The following PACRG variants were observed in gnomAD, a reference collection of about 807,000 sequenced individuals.
The protein encoded by PACRG is parkin coregulated gene protein.
PACRG carries 29 observed loss-of-function variants against 29.7 expected under a neutral mutation model. That is an observed-to-expected ratio of 0.98 (90% CI 0.73 to 1.33). The LOEUF is 1.33. PACRG is among the 40% of genes most tolerant of loss of function. The probability of loss-of-function intolerance (pLI) is 0.00; values close to 1 mark genes in which losing one functional copy is unlikely to be tolerated. For synonymous variants in PACRG, 116 were observed against 118.7 expected (o/e 0.98, Z 0.15); for missense variants, 279 against 316.2 (o/e 0.88, Z 0.89).
At position 163,072,913 on chromosome 6, in the gene PACRG, C is replaced by T. The variant is rs927342609; in HGVS notation, c.463+10592C>T. On this transcript the variant is annotated intron_variant, in intron 3 of 4. Transcript: ENST00000366888. ...ATTAACCAAAGAAGTGAAAGATCTCCACAATAAAAACTTAAAACATTGATG... is the reference window on the plus strand; with the variant it reads ...ATTAACCAAAGAAGTGAAAGATCTCTACAATAAAAACTTAAAACATTGATG... Among the ~76,000 whole-genome samples, 30 of 151,842 alleles carry T rather than the reference C, an allele frequency of 2.0e-4. 1 individual carries two copies. Among genetic ancestry groups the T allele is most frequent in the Non-Finnish European group, 1.5e-5 (1 of 67,892 alleles).
chr6:162,776,019 G>T (rs1029991075), intron 1 of PACRG, among the ~76,000 whole-genome samples: 1 of 152,092 alleles, frequency 6.6e-6, no homozygotes, highest in Non-Finnish European at 1.5e-5. Context: ...AAAATTAGGT[G>T]AGAAACTTAA....
In PACRG at chr6:163,294,060, A is replaced by T. The variant is rs1246882105; in HGVS notation, c.614-20767A>T. The stretch of plus-strand genomic sequence containing the variant: ...TATTTCTTTACCCCCCAAAAAAATT[A>T]ACATTTTTTTGGTTAGGAAACAGAA... On this transcript the variant is annotated intron_variant, in intron 4 of 4. Coordinates refer to ENST00000366888, the MANE Select transcript of PACRG (RefSeq NM_001080379.2). Among the ~76,000 whole-genome samples, 4 of 152,194 alleles carry T rather than the reference A, an allele frequency of 2.6e-5. No homozygotes were observed. In the East Asian group the frequency reaches 7.7e-4, roughly 29 times the overall value.
chr6:162,752,144 T>A (rs1362407333), intron 1 of PACRG, among the ~76,000 whole-genome samples: 1 of 152,190 alleles, frequency 6.6e-6, no homozygotes, highest in Non-Finnish European at 1.5e-5. Flanking sequence ...GAAGAATTTT[T>A]AACATCTGAT....
At chr6:162,974,255 A>G (rs920602385) in intron 2 of PACRG, among the ~76,000 whole-genome samples, 3 of 152,198 alleles carry the variant, frequency 2.0e-5, no homozygotes, top group Non-Finnish European at 2.9e-5. Flanking sequence ...TAGTGCAACA[A>G]TATAATTAAT....
chr6:163,133,398 GAA>G (rs386708113), intron 4 of PACRG, among the ~76,000 whole-genome samples: 1,849 of 152,270 alleles, frequency 0.012, 31 homozygotes, highest in African/African-American at 0.041. Context: ...GTTTATCATG[GAA>G]GAGAAGAATA....
chr6:163,059,362 G>T (rs529810680), intron 2 of PACRG, among the ~76,000 whole-genome samples: 33 of 152,280 alleles, frequency 2.2e-4, no homozygotes, highest in Middle Eastern at 3.4e-3. Context: ...TAAAAGAAAA[G>T]TGGGAAAAAC....
At chr6:162,809,640 A>G (rs1012379517) in intron 1 of PACRG, among the ~76,000 whole-genome samples, 1 of 152,166 alleles carries the variant, frequency 6.6e-6, no homozygotes, top group African/African-American at 2.4e-5. Flanking sequence ...TATAAGAGAC[A>G]AAAAGAAAAG....
chr6:163,139,462 GA>G (rs1817068514), intron 4 of PACRG, among the ~76,000 whole-genome samples: 1 of 152,110 alleles, frequency 6.6e-6, no homozygotes, highest in South Asian at 2.1e-4. Context: ...TGATTGCAGG[GA>G]AATTATTTAA....
intron 2 of PACRG, among the ~76,000 whole-genome samples, chr6:162,954,338 T>C (rs1272544843): frequency 2.0e-5 from 3 of 152,176 alleles, no homozygotes; most frequent in Admixed American, 2.0e-4. Context: ...CTGACCTTCA[T>C]GTTCAACATG....
chr6:163,050,924 G>C (rs1585094516), intron 2 of PACRG, among the ~76,000 whole-genome samples: 1 of 152,102 alleles, frequency 6.6e-6, no homozygotes, highest in Non-Finnish European at 1.5e-5. Context: ...AGTCATTGTT[G>C]CTTCAAATAT....
At chr6:163,244,932 C>T (rs1158344761) in intron 4 of PACRG, 2 of 355,586 alleles carry the variant, frequency 5.6e-6, no homozygotes, top group East Asian at 1.6e-4. Context: ...TTATGCTTCT[C>T]TTTTTAGTAA....
At position 163,142,663 on chromosome 6, in the gene PACRG, C is replaced by G. The variant is rs149256158; in HGVS notation, c.613+53255C>G. On this transcript the variant is annotated intron_variant, in intron 4 of 4. Transcript: ENST00000366888. ...ATATATGAACATAGTTGTAAAAATC[C>G]TAAGTAACATGTTGTCATATTTAAA... Among the ~76,000 whole-genome samples, 469 of 152,194 alleles carry G rather than the reference C, an allele frequency of 3.1e-3. 1 individual carries two copies. Among genetic ancestry groups the G allele is most frequent in the Non-Finnish European group, 4.8e-3 (328 of 68,004 alleles).
intron 2 of PACRG, among the ~76,000 whole-genome samples, chr6:162,950,346 A>G (rs1482147370): frequency 2.0e-5 from 3 of 152,054 alleles, no homozygotes; most frequent in African/African-American, 7.2e-5. Flanking sequence ...AAATACAAAA[A>G]AGAAAAAAAA....
rs146306301 is a variant in PACRG at position 162,858,240 on chromosome 6, G to A, written c.291+43959G>A. On this transcript the variant is annotated intron_variant, in intron 2 of 4. Transcript: ENST00000366888. ...AGGCCTCAGGAAACTTAACAATCAC[G>A]GTGGAAGGCAAAGGGGAAGCAAGGC... 3.3e-3 allele frequency among the ~76,000 whole-genome samples: 503 copies of A among 152,280 alleles called. 5 individuals carry two copies. Among genetic ancestry groups the A allele is most frequent in the African/African-American group, 0.011 (463 of 41,564 alleles).
intron 4 of PACRG, among the ~76,000 whole-genome samples, chr6:163,231,971 A>T (rs1444779983): frequency 6.6e-6 from 1 of 152,258 alleles, no homozygotes; most frequent in African/African-American, 2.4e-5. Context: ...GCATTGGCAG[A>T]TATTTCATCT....
chr6:162,776,629 A>C (rs926501541), intron 1 of PACRG, among the ~76,000 whole-genome samples: 1 of 152,180 alleles, frequency 6.6e-6, no homozygotes, highest in African/African-American at 2.4e-5. Flanking sequence ...CCAACCTGCT[A>C]GCAGGTGGCT....
intron 2 of PACRG, among the ~76,000 whole-genome samples, chr6:162,903,572 A>C (rs886664800): frequency 2.0e-5 from 3 of 152,162 alleles, no homozygotes; most frequent in Admixed American, 2.0e-4. Flanking sequence ...ATCAGATCTC[A>C]TGAGACTGAT....
At chr6:162,894,689 CG>C in intron 2 of PACRG, among the ~76,000 whole-genome samples, 1 of 152,122 alleles carries the variant, frequency 6.6e-6, no homozygotes, top group Non-Finnish European at 1.5e-5. Flanking sequence ...TCTGGATGAA[CG>C]TGTTATAATT....
chr6:163,187,174 G>A (rs965861313), intron 4 of PACRG, among the ~76,000 whole-genome samples: 2 of 152,178 alleles, frequency 1.3e-5, no homozygotes, highest in Admixed American at 6.5e-5. Flanking sequence ...TACAACACCT[G>A]AACCTCAGGA....
Sources: allele counts gnomAD v4.1 joint callset (sites outside exome capture counted in the v4.1 genomes callset), GRCh38; gene constraint gnomAD v4.1.1; transcripts MANE v1.5; gene names NCBI Gene and HGNC (gene_info 2026-07-23, HGNC 2026-07-21).